The following SAMD4A variants were observed in gnomAD, a reference collection of about 807,000 sequenced individuals.
SAMD4A encodes the protein sterile alpha motif domain containing 4A, also known as protein Smaug homolog 1.
SAMD4A carries 33 observed loss-of-function variants against 81.3 expected under a neutral mutation model. The observed-to-expected ratio is 0.41, with a 90% CI of 0.31 to 0.54. The LOEUF (loss-of-function observed/expected upper bound fraction) is 0.54, where lower values mean the gene tolerates loss of function less well. Among genes scored for constraint, SAMD4A ranks in the 20% least tolerant of loss-of-function variants. The probability of loss-of-function intolerance (pLI) is 0.37; values close to 1 mark genes in which losing one functional copy is unlikely to be tolerated. For synonymous variants in SAMD4A, 389 were observed against 382.1 expected (o/e 1.02, Z -0.21); for missense variants, 854 against 951.1 (o/e 0.90, Z 1.34).
rs769193366 is a variant in SAMD4A at position 54,678,433 on chromosome 14, T to TTGTGTGTGTGTGTGTGTGTG, written c.197-23565_197-23546dup. On this transcript the variant is annotated intron_variant, in intron 2 of 12. Coordinates refer to ENST00000554335, the MANE Select transcript of SAMD4A (RefSeq NM_015589.6). The stretch of plus-strand genomic sequence containing the variant: ...GTGTCGTATTTTGGGCAGTCACCAT[T>TTGTGTGTGTGTGTGTGTGTG]TGTGTGTGTGTGTGTGTGTGTGTGT... Among the ~76,000 whole-genome samples the TTGTGTGTGTGTGTGTGTGTG allele has an allele frequency of 5.0e-4, 41 of 81,270 alleles. 2 individuals carry two copies. Among genetic ancestry groups the TTGTGTGTGTGTGTGTGTGTG allele is most frequent in the Admixed American group, 9.6e-4 (6 of 6,228 alleles). 53.3% of individuals were successfully genotyped at this position (81,270 alleles called of 152,430 possible).
At chr14:54,619,843 G>A (rs924218848) in intron 2 of SAMD4A, among the ~76,000 whole-genome samples, 2 of 152,172 alleles carry the variant, frequency 1.3e-5, no homozygotes, top group African/African-American at 2.4e-5. Flanking sequence ...TGGCTGCATA[G>A]TATTTCATGG....
At chr14:54,573,905 G>A (rs952801188) in intron 2 of SAMD4A, among the ~76,000 whole-genome samples, 1 of 152,186 alleles carries the variant, frequency 6.6e-6, no homozygotes, top group Non-Finnish European at 1.5e-5. Flanking sequence ...GGGATTCCCT[G>A]GAACCCGGAA....
intron 2 of SAMD4A, among the ~76,000 whole-genome samples, chr14:54,617,514 A>G (rs1465901519): frequency 6.6e-6 from 1 of 152,010 alleles, no homozygotes; most frequent in South Asian, 2.1e-4. Context: ...AAGACATTTT[A>G]AGTTGGCCAG....
At chr14:54,711,849 A>G (rs1427751060) in intron 3 of SAMD4A, among the ~76,000 whole-genome samples, 1 of 152,072 alleles carries the variant, frequency 6.6e-6, no homozygotes, top group African/African-American at 2.4e-5. Context: ...GGAGCCCCTG[A>G]TCTGCTACGG....
In SAMD4A at chr14:54,702,665, A is replaced by G. The variant is rs1381741547; in HGVS notation, c.715+85A>G. On this transcript the variant is annotated intron_variant, in intron 3 of 12. Coordinates refer to ENST00000554335, the MANE Select transcript of SAMD4A (RefSeq NM_015589.6). Reference sequence around the variant, plus strand: ...ATGTCCTGCTGACAGTGTCTGCTCCATGCACCCTGTGACCCTGGGAGAGAA... The same window carrying G: ...ATGTCCTGCTGACAGTGTCTGCTCCGTGCACCCTGTGACCCTGGGAGAGAA... 4 of 1,464,164 alleles carry G rather than the reference A, an allele frequency of 2.7e-6. No individual in the cohort carries two copies. In the South Asian group the frequency reaches 5.0e-5, roughly 18 times the overall value. 90.7% of individuals were successfully genotyped at this position (1,464,164 alleles called of 1,614,324 possible).
intron 2 of SAMD4A, among the ~76,000 whole-genome samples, chr14:54,675,194 C>T (rs538101227): frequency 2.6e-5 from 4 of 151,908 alleles, no homozygotes; most frequent in South Asian, 4.2e-4. Context: ...GGTGAAACCC[C>T]GTCTCTACTA....
At chr14:54,651,155 C>A (rs2035395447) in intron 2 of SAMD4A, among the ~76,000 whole-genome samples, 1 of 152,118 alleles carries the variant, frequency 6.6e-6, no homozygotes, top group South Asian at 2.1e-4. Context: ...ATCCTGAGCT[C>A]TTTGGTCTTT....
chr14:54,767,083 G>C (rs2038566521), intron 8 of SAMD4A, among the ~76,000 whole-genome samples: 1 of 152,110 alleles, frequency 6.6e-6, no homozygotes, highest in Non-Finnish European at 1.5e-5. Context: ...GGAGGGGCCT[G>C]CGTGCTGCTT....
chr14:54,649,552 C>T (rs549228541), intron 2 of SAMD4A, among the ~76,000 whole-genome samples: 77 of 152,244 alleles, frequency 5.1e-4, no homozygotes, highest in African/African-American at 1.8e-3. Flanking sequence ...TAGTACCTGA[C>T]GACATAGCAA....
intron 2 of SAMD4A, among the ~76,000 whole-genome samples, chr14:54,608,489 A>T (rs1223792180): frequency 6.6e-6 from 1 of 152,252 alleles, no homozygotes; most frequent in Non-Finnish European, 1.5e-5. Flanking sequence ...GGCATAAATA[A>T]CAGAAAATAG....
chr14:54,666,570 G>C (rs535967959), intron 2 of SAMD4A, among the ~76,000 whole-genome samples: 3 of 152,270 alleles, frequency 2.0e-5, no homozygotes, highest in South Asian at 4.1e-4. Flanking sequence ...CCTTGTTCAA[G>C]AGTCAACTGT....
chr14:54,754,338 C>T (rs2038184727), intron 6 of SAMD4A, among the ~76,000 whole-genome samples: 1 of 152,178 alleles, frequency 6.6e-6, no homozygotes, highest in Non-Finnish European at 1.5e-5. Flanking sequence ...TGATGGCAGC[C>T]AGTGGTCAAG....
At chr14:54,620,954 A>T (rs891012585) in intron 2 of SAMD4A, among the ~76,000 whole-genome samples, 9 of 151,954 alleles carry the variant, frequency 5.9e-5, no homozygotes, top group South Asian at 2.1e-4. Context: ...GAGATGAAAC[A>T]TTTTTTTGTC....
intron 3 of SAMD4A, among the ~76,000 whole-genome samples, chr14:54,723,677 G>C (rs538903319): frequency 2.6e-5 from 4 of 152,324 alleles, no homozygotes; most frequent in African/African-American, 9.6e-5. Flanking sequence ...GCTTCTGCGT[G>C]TTTCTGAATG....
intron 2 of SAMD4A, among the ~76,000 whole-genome samples, chr14:54,591,072 A>G (rs1248928413): frequency 1.3e-5 from 2 of 152,098 alleles, no homozygotes; most frequent in African/African-American, 4.8e-5. Flanking sequence ...AAGAGGATGA[A>G]TGAGGGGCTA....
chr14:54,672,132 C>A (rs1424796017), intron 2 of SAMD4A, among the ~76,000 whole-genome samples: 2 of 150,534 alleles, frequency 1.3e-5, no homozygotes, highest in Non-Finnish European at 3.0e-5. Context: ...GCCTTGTTGC[C>A]CAGGCTGGAC....
At chr14:54,756,096 T>C (rs548443962) in intron 6 of SAMD4A, among the ~76,000 whole-genome samples, 1 of 152,318 alleles carries the variant, frequency 6.6e-6, no homozygotes, top group East Asian at 1.9e-4. Context: ...AAACCGCAGA[T>C]AAACTTAATA....
chr14:54,639,867 T>C (rs762804421), intron 2 of SAMD4A, among the ~76,000 whole-genome samples: 1 of 151,980 alleles, frequency 6.6e-6, no homozygotes, highest in Non-Finnish European at 1.5e-5. Context: ...GTCTGGCTCA[T>C]AGACAAGGAT....
At chr14:54,680,750 G>A (rs1255157442) in intron 2 of SAMD4A, among the ~76,000 whole-genome samples, 1 of 152,178 alleles carries the variant, frequency 6.6e-6, no homozygotes, top group Admixed American at 6.5e-5. Flanking sequence ...TTGCCATGTA[G>A]AGTAAAAGAA....
Sources: allele counts gnomAD v4.1 joint callset (sites outside exome capture counted in the v4.1 genomes callset), GRCh38; gene constraint gnomAD v4.1.1; transcripts MANE v1.5; gene names NCBI Gene and HGNC (gene_info 2026-07-23, HGNC 2026-07-21).